The following PRR27 variants were observed in gnomAD, a reference collection of about 807,000 sequenced individuals.
PRR27 encodes the protein proline rich 27.
Under a neutral mutation model 16.8 loss-of-function variants are expected in PRR27, and 12 were observed. The ratio of observed to expected loss-of-function variants is 0.71; its 90% CI spans 0.46 to 1.16. The LOEUF is 1.16. Ranked by LOEUF, PRR27 falls within the 50% of genes most tolerant of loss-of-function variation. The probability of loss-of-function intolerance (pLI) is 0.00; values close to 1 mark genes in which losing one functional copy is unlikely to be tolerated. For synonymous variants in PRR27, 100 were observed against 98.4 expected (o/e 1.02, Z -0.10); for missense variants, 277 against 273.3 (o/e 1.01, Z -0.10).
Position 70,161,609 on chromosome 4 carries a change from A to G in PRR27, c.*12A>G. 6.6e-7 allele frequency: 1 copy of G among 1,505,586 alleles called. No homozygotes were observed. Among genetic ancestry groups the G allele is most frequent in the Non-Finnish European group, 9.2e-7 (1 of 1,092,840 alleles). 93.3% of individuals were successfully genotyped at this position (1,505,586 alleles called of 1,614,324 possible). A position where few individuals can be genotyped will look rare whatever the true frequency, so the allele number is the denominator to read the frequency against. On this transcript the variant is annotated 3_prime_UTR_variant, in exon 4 of 5. Transcript: ENST00000344526. ...AGGCAAATCAGTGAAATTCTCTAGA[A>G]GAGTACCATGGGTTCATTTCTGTAA...
At chr4:70,160,271 T>A (rs928566813) in intron 3 of PRR27, among the ~76,000 whole-genome samples, 1 of 152,140 alleles carries the variant, frequency 6.6e-6, no homozygotes, top group Admixed American at 6.5e-5. Context: ...CTCCCATTTA[T>A]AAGTGAGAAC....
chr4:70,157,506 T>C (rs946849980), intron 2 of PRR27, among the ~76,000 whole-genome samples: 2 of 151,232 alleles, frequency 1.3e-5, no homozygotes, highest in Non-Finnish European at 2.9e-5. Context: ...CTCACTGTCT[T>C]GTTTATTTAT....
chr4:70,158,087 T>C (rs1014626474), intron 2 of PRR27, among the ~76,000 whole-genome samples: 1 of 152,192 alleles, frequency 6.6e-6, no homozygotes, highest in Non-Finnish European at 1.5e-5. Flanking sequence ...TTCTGTGGAC[T>C]ATAACACTCT....
intron 3 of PRR27, 110 bp downstream of exon 3, chr4:70,159,010 C>A: frequency 1.1e-6 from 1 of 934,706 alleles, no homozygotes; most frequent in Non-Finnish European, 1.6e-6. Context: ...ATATTTTGAA[C>A]AGCTTTATTC....
At position 70,155,371 on chromosome 4, in the gene PRR27, T is replaced by G. The variant is rs571830562; in HGVS notation, c.52-683T>G. Among the ~76,000 whole-genome samples, 282 of 118,464 alleles carry G rather than the reference T, an allele frequency of 2.4e-3. 2 individuals are homozygous for G. Among genetic ancestry groups the G allele is most frequent in the Non-Finnish European group, 3.5e-3 (215 of 62,182 alleles). The allele number at this position is 118,464 out of a possible 152,430, so 77.7% of individuals were successfully genotyped here. A position where few individuals can be genotyped will look rare whatever the true frequency, so the allele number is the denominator to read the frequency against. On this transcript the variant is annotated intron_variant, in intron 1 of 4. Coordinates refer to ENST00000344526, the MANE Select transcript of PRR27 (RefSeq NM_214711.4). Reference sequence around the variant, plus strand: ...TCTTTTTTTTGTTGTATGTTTGTGGTTTTTTTTTTTTTGAGACGGAGTCTC... The same window carrying G: ...TCTTTTTTTTGTTGTATGTTTGTGGGTTTTTTTTTTTTGAGACGGAGTCTC...
Position 70,163,471 on chromosome 4 carries a change from G to C in PRR27, c.*810G>C, listed in dbSNP as rs1050297396. ...CGGGATTACAGGTGTGTGCCACCAC[G>C]CCTGGCTAATTTTTTGTAATTTAGT... is the stretch of plus-strand genomic sequence containing the variant. On this transcript the variant is annotated 3_prime_UTR_variant, in exon 5 of 5. Transcript: ENST00000344526. The C allele has an allele frequency of 3.9e-5, 6 of 152,174 alleles. No individual in the cohort carries two copies. Among genetic ancestry groups the C allele is most frequent in the Admixed American group, 2.6e-4 (4 of 15,280 alleles). The allele number at this position is 152,174 out of a possible 1,614,324, so 9.4% of individuals were successfully genotyped here.
chr4:70,157,874 T>C (rs1458936308), intron 2 of PRR27, among the ~76,000 whole-genome samples: 2 of 152,136 alleles, frequency 1.3e-5, no homozygotes, highest in African/African-American at 4.8e-5. Flanking sequence ...AAGATAAGTC[T>C]GGAATATGGG....
chr4:70,157,145 G>A (rs1728501773), intron 2 of PRR27, among the ~76,000 whole-genome samples: 1 of 151,946 alleles, frequency 6.6e-6, no homozygotes, highest in South Asian at 2.1e-4. Context: ...AATATGACTC[G>A]TGAGAAAAAT....
rs974401248 is a variant in PRR27, at chr4:70,156,939, G to A, written c.75+862G>A. Reference sequence around the variant, plus strand: ...AACTTTTAGGGTACATGTGCACAACGTGCAGGTTTGTTACATATGTATACA... The same window carrying A: ...AACTTTTAGGGTACATGTGCACAACATGCAGGTTTGTTACATATGTATACA... On this transcript the variant is annotated intron_variant, in intron 2 of 4. Transcript: ENST00000344526. Among the ~76,000 whole-genome samples the A allele has an allele frequency of 6.6e-5, 10 of 151,732 alleles. No individual in the cohort carries two copies. In the South Asian group the frequency reaches 1.2e-3, roughly 19 times the overall value.
In PRR27 at chr4:70,162,800, T is replaced by C. The variant is rs996847899; in HGVS notation, c.*139T>C. On this transcript the variant is annotated 3_prime_UTR_variant, in exon 5 of 5. Coordinates refer to ENST00000344526, the MANE Select transcript of PRR27 (RefSeq NM_214711.4). ...ATTCATCTCACTACATTGATTTGTT[T>C]GTGGTAGTTTTTCCTTGGACTTAAT... 1.3e-5 allele frequency: 2 copies of C among 152,178 alleles called. No homozygotes were observed. The highest frequency in any genetic ancestry group is 4.8e-5 in the African/African-American group (2 of 41,430). The allele number at this position is 152,178 out of a possible 1,614,324, so 9.4% of individuals were successfully genotyped here. A position where few individuals can be genotyped will look rare whatever the true frequency, so the allele number is the denominator to read the frequency against.
rs1245526104 is a variant in PRR27, at chr4:70,163,004, G to A, written c.*343G>A. 1.3e-5 allele frequency: 2 copies of A among 152,066 alleles called. No homozygotes were observed. Among genetic ancestry groups the A allele is most frequent in the African/African-American group, 4.8e-5 (2 of 41,404 alleles). 9.4% of individuals were successfully genotyped at this position (152,066 alleles called of 1,614,324 possible). On this transcript the variant is annotated 3_prime_UTR_variant, in exon 5 of 5. Transcript: ENST00000344526. ...TTAGTATTGGTTTTGAGTGCAATAG[G>A]TTTTTTCCTAAACAAACATATTTTG...
At chr4:70,154,755 T>C (rs1728438201) in intron 1 of PRR27, 2 of 1,329,246 alleles carry the variant, frequency 1.5e-6, no homozygotes, top group Non-Finnish European at 2.0e-6. Context: ...GAATGCTGGA[T>C]TGGGCTTCCT....
Position 70,166,028 on chromosome 4 carries a change from A to G in PRR27, c.*3367A>G, listed in dbSNP as rs906714135. On this transcript the variant is annotated 3_prime_UTR_variant, in exon 5 of 5. Coordinates refer to ENST00000344526, the MANE Select transcript of PRR27 (RefSeq NM_214711.4). The stretch of plus-strand genomic sequence containing the variant: ...TATGCATTTATGTGGCACTTAATAT[A>G]TAAAAGAGTTTTATGAGTTTTAAAA... 1 of 152,126 alleles carries G rather than the reference A, an allele frequency of 6.6e-6. No individual in the cohort carries two copies. Among genetic ancestry groups the G allele is most frequent in the African/African-American group, 2.4e-5 (1 of 41,448 alleles). The allele number at this position is 152,126 out of a possible 1,614,324, so 9.4% of individuals were successfully genotyped here. A position where few individuals can be genotyped will look rare whatever the true frequency, so the allele number is the denominator to read the frequency against.
chr4:70,154,547 T>G, intron 1 of PRR27, 121 bp downstream of exon 1: 1 of 902,578 alleles, frequency 1.1e-6, no homozygotes, highest in East Asian at 2.6e-5. Context: ...GAGACATAGA[T>G]GGACATGAGA....
chr4:70,156,146 A>T, intron 2 of PRR27, 69 bp downstream of exon 2: 4 of 821,366 alleles, frequency 4.9e-6, no homozygotes, highest in South Asian at 2.8e-5. Context: ...ACATTTTAAA[A>T]CTCTCTGATT....
At chr4:70,160,547 G>A (rs1728624119) in intron 3 of PRR27, among the ~76,000 whole-genome samples, 2 of 150,726 alleles carry the variant, frequency 1.3e-5, no homozygotes, top group Middle Eastern at 6.9e-3. Context: ...CACCTACCTT[G>A]CTTCCTGTCT....
rs58460614 is a variant in PRR27 at position 70,160,745 on chromosome 4, CAA to C, written c.649-831_649-830del. 4.4e-3 allele frequency among the ~76,000 whole-genome samples: 653 copies of C among 149,468 alleles called. 4 individuals are homozygous for C. Among genetic ancestry groups the C allele is most frequent in the African/African-American group, 0.014 (557 of 40,682 alleles). ...TTTTAGAAAAACAATTGTTTTCAGA[CAA>C]AAAAAAAAATGTAAGAAGCAGCTAG... On this transcript the variant is annotated intron_variant, in intron 3 of 4. Transcript: ENST00000344526.
rs1728752178 is a variant in PRR27, at chr4:70,165,779, G to C, written c.*3118G>C. 1 of 152,074 alleles carries C rather than the reference G, an allele frequency of 6.6e-6. No homozygotes were observed. Among genetic ancestry groups the C allele is most frequent in the African/African-American group, 2.4e-5 (1 of 41,422 alleles). The allele number at this position is 152,074 out of a possible 1,614,324, so 9.4% of individuals were successfully genotyped here. A position where few individuals can be genotyped will look rare whatever the true frequency, so the allele number is the denominator to read the frequency against. Reference sequence around the variant, plus strand: ...ACAGAAGGTGACTGATTCTTATTCAGTGCTACTTTCTACAGACAGGTAACT... The same window carrying C: ...ACAGAAGGTGACTGATTCTTATTCACTGCTACTTTCTACAGACAGGTAACT... On this transcript the variant is annotated 3_prime_UTR_variant, in exon 5 of 5. Coordinates refer to ENST00000344526, the MANE Select transcript of PRR27 (RefSeq NM_214711.4).
Position 70,154,372 on chromosome 4 carries a change from C to T in PRR27, c.-4C>T. The T allele has an allele frequency of 6.2e-7, 1 of 1,609,086 alleles. No individual in the cohort carries two copies. The highest frequency in any genetic ancestry group is 8.5e-7 in the Non-Finnish European group (1 of 1,175,714). On this transcript the variant is annotated 5_prime_UTR_variant, in exon 1 of 5. Transcript: ENST00000344526. ...TAGTGTTAATATTCATAGGGTCAAT[C>T]AAAATGAAGCTTCTCCTTTGGGCCT...
Sources: gnomAD v4.1 joint callset for allele counts (sites outside exome capture counted in the v4.1 genomes callset) on GRCh38, gnomAD v4.1.1 for gene constraint, MANE v1.5 for transcripts, NCBI Gene and HGNC (gene_info 2026-07-23, HGNC 2026-07-21) for gene names.